FRMPD4: variants seen among roughly 807,000 people sequenced by gnomAD.
The protein encoded by FRMPD4 is FERM and PDZ domain-containing protein 4.
A neutral mutation model predicts 94.1 loss-of-function variants in FRMPD4; 22 were observed. The observed-to-expected ratio is 0.23, with a 90% confidence interval of 0.17 to 0.33. The LOEUF is 0.33. FRMPD4 is among the 10% of genes least tolerant of loss of function. The pLI, the probability that FRMPD4 is intolerant of heterozygous loss-of-function variation, is 1.00. For synonymous variants in FRMPD4, 631 were observed against 548.6 expected (o/e 1.15, Z -2.10); for missense variants, 1,111 against 1,339.9 (o/e 0.83, Z 2.67).
chrX:11,853,844 T>A (rs753038031), intron 1 of FRMPD4, among the ~76,000 whole-genome samples: 1 of 111,897 alleles, frequency 8.9e-6, no homozygotes, highest in Non-Finnish European at 1.9e-5. Context: ...TTCCAAACAA[T>A]TGAGGAGGAG....
intron 5 of FRMPD4, among the ~76,000 whole-genome samples, chrX:12,679,023 C>G (rs1329922675): frequency 8.9e-6 from 1 of 112,292 alleles, no homozygotes; most frequent in Non-Finnish European, 1.9e-5. Context: ...GTGTTCCACA[C>G]AGCTGAGAGA....
At chrX:12,067,427 GT>G (rs199570953) in intron 3 of FRMPD4, among the ~76,000 whole-genome samples, 2 of 107,287 alleles carry the variant, frequency 1.9e-5, no homozygotes, top group Non-Finnish European at 1.9e-5. Flanking sequence ...TTTTGTTTTT[GT>G]TTTTTTTTGA....
chrX:12,496,670 T>C (rs2057853698), intron 1 of FRMPD4, among the ~76,000 whole-genome samples: 1 of 112,205 alleles, frequency 8.9e-6, no homozygotes, highest in Non-Finnish European at 1.9e-5. Context: ...ACTTGCACTT[T>C]TAATTTGCTA....
intron 3 of FRMPD4, among the ~76,000 whole-genome samples, chrX:11,924,024 T>C (rs1276851662): frequency 8.9e-6 from 1 of 111,819 alleles, no homozygotes; most frequent in East Asian, 2.8e-4. Flanking sequence ...GCAACGAAGC[T>C]AAAAATCATG....
chrX:12,604,693 C>T (rs143215344), intron 2 of FRMPD4, among the ~76,000 whole-genome samples: 114 of 111,961 alleles, frequency 1.0e-3, no homozygotes, highest in African/African-American at 3.7e-3. Flanking sequence ...TTCAAGGGTA[C>T]ATGTGTAGGT....
chrX:12,009,257 G>T (rs1241786623), intron 3 of FRMPD4, among the ~76,000 whole-genome samples: 2 of 112,320 alleles, frequency 1.8e-5, no homozygotes, highest in African/African-American at 6.5e-5. Flanking sequence ...ATGTCAAGTT[G>T]TACACCTTAA....
chrX:11,955,067 C>T (rs2147368440), intron 3 of FRMPD4, among the ~76,000 whole-genome samples: 1 of 111,233 alleles, frequency 9.0e-6, no homozygotes, highest in African/African-American at 3.3e-5. Context: ...GGTGAGGGCC[C>T]ACTTCTTATA....
chrX:12,286,608 T>C (rs1184762865), intron 1 of FRMPD4, among the ~76,000 whole-genome samples: 1 of 112,254 alleles, frequency 8.9e-6, no homozygotes, highest in Non-Finnish European at 1.9e-5. Context: ...GCTTTTTTTG[T>C]GCCTTATGAA....
intron 1 of FRMPD4, among the ~76,000 whole-genome samples, chrX:11,841,584 T>C (rs1167392254): frequency 9.0e-6 from 1 of 111,023 alleles, no homozygotes; most frequent in South Asian, 3.8e-4. Context: ...GCCCACTTTT[T>C]GATGGGGTTG....
At chrX:12,559,414 T>C (rs753157438) in intron 2 of FRMPD4, among the ~76,000 whole-genome samples, 59 of 110,944 alleles carry the variant, frequency 5.3e-4, no homozygotes, top group African/African-American at 1.9e-3. Context: ...CTTTGGGTGG[T>C]CAAGGCGGGC....
chrX:12,234,235 A>G (rs951728415), intron 1 of FRMPD4, among the ~76,000 whole-genome samples: 9 of 111,343 alleles, frequency 8.1e-5, no homozygotes, highest in African/African-American at 2.6e-4. Flanking sequence ...TGTTCTTTCA[A>G]TGTTATATTT....
At chrX:12,460,778 T>C (rs962988841) in intron 1 of FRMPD4, among the ~76,000 whole-genome samples, 2 of 112,051 alleles carry the variant, frequency 1.8e-5, no homozygotes, top group Admixed American at 9.4e-5. Flanking sequence ...CTGCTGAATG[T>C]AGACCCTCAA....
intron 1 of FRMPD4, among the ~76,000 whole-genome samples, chrX:12,153,000 C>G (rs1219803408): frequency 9.8e-6 from 1 of 101,540 alleles, no homozygotes; most frequent in African/African-American, 3.6e-5. Flanking sequence ...GTGGCGCAAT[C>G]TCGGCTCACT....
intron 1 of FRMPD4, among the ~76,000 whole-genome samples, chrX:12,160,471 T>C (rs766799803): frequency 1.9e-4 from 21 of 111,677 alleles, no homozygotes; most frequent in Non-Finnish European, 1.9e-4. Context: ...GAACTGACCG[T>C]AGTTTGGAAT....
rs2055212018 is a variant in FRMPD4 at position 12,097,023 on chromosome X, G to C, written c.95+219005G>C. Among the ~76,000 whole-genome samples, 3 of 112,478 alleles carry C rather than the reference G, an allele frequency of 2.7e-5. No individual in the cohort carries two copies. The South Asian group carries it at 1.1e-3, about 42-fold the overall frequency. On this transcript the variant is annotated intron_variant, in intron 3 of 18. Coordinates refer to the FRMPD4 transcript ENST00000640291. ...AATAGAAATGGAAACTCTTTGGAGT[G>C]TGAACACATTAAATGCACCTGAATA...
intron 1 of FRMPD4, among the ~76,000 whole-genome samples, chrX:12,223,180 A>G (rs374483279): frequency 8.9e-6 from 1 of 112,131 alleles, no homozygotes; most frequent in Non-Finnish European, 1.9e-5. Context: ...ACTATTCACA[A>G]TAGCAAAGAC....
intron 1 of FRMPD4, among the ~76,000 whole-genome samples, chrX:12,356,897 G>A (rs985700745): frequency 1.8e-5 from 2 of 111,844 alleles, no homozygotes; most frequent in Non-Finnish European, 3.8e-5. Flanking sequence ...TAGGTTCTCA[G>A]AATATTCTTC....
At chrX:12,663,744 C>T (rs952552454) in intron 4 of FRMPD4, among the ~76,000 whole-genome samples, 1 of 112,277 alleles carries the variant, frequency 8.9e-6, no homozygotes, top group African/African-American at 3.2e-5. Flanking sequence ...TGAAGAAAGT[C>T]AATGGTAACC....
At chrX:12,567,196 C>CAG (rs2058722317) in intron 2 of FRMPD4, among the ~76,000 whole-genome samples, 1 of 112,001 alleles carries the variant, frequency 8.9e-6, no homozygotes, top group Non-Finnish European at 1.9e-5. Context: ...TAAATACCTG[C>CAG]TGTATTCCTA....
Sources: allele counts gnomAD v4.1 joint callset (sites outside exome capture counted in the v4.1 genomes callset), GRCh38; gene constraint gnomAD v4.1.1; transcripts MANE v1.5; gene names NCBI Gene and HGNC (gene_info 2026-07-23, HGNC 2026-07-21).